SEMA5A: variants seen among roughly 807,000 people sequenced by gnomAD.
The protein encoded by SEMA5A is semaphorin 5A.
SEMA5A carries 55 observed loss-of-function variants against 135.5 expected under a neutral mutation model. The observed-to-expected ratio is 0.41, with a 90% CI of 0.33 to 0.51. The LOEUF is 0.51. Among genes scored for constraint, SEMA5A ranks in the 20% least tolerant of loss-of-function variants. The pLI, the probability that SEMA5A is intolerant of heterozygous loss-of-function variation, is 0.37. For synonymous variants in SEMA5A, 580 were observed against 546.5 expected (o/e 1.06, Z -0.85); for missense variants, 1,290 against 1,419.9 (o/e 0.91, Z 1.47).
intron 22 of SEMA5A, 145 bp from the exon 23 acceptor site, chr5:9,043,161 C>A: frequency 1.3e-6 from 1 of 775,106 alleles, no homozygotes; most frequent in Non-Finnish European, 2.0e-6. Flanking sequence ...TATTTGCTTC[C>A]CCAGATTATT....
intron 13 of SEMA5A, among the ~76,000 whole-genome samples, chr5:9,131,444 T>C (rs1741408950): frequency 6.6e-6 from 1 of 151,328 alleles, no homozygotes; most frequent in African/African-American, 2.4e-5. Context: ...CCGTCTCTAC[T>C]AAAAACACAA....
chr5:9,532,705 T>A (rs1579698580), intron 1 of SEMA5A, among the ~76,000 whole-genome samples: 2 of 152,322 alleles, frequency 1.3e-5, no homozygotes, highest in Middle Eastern at 6.8e-3. Flanking sequence ...TTATCACAGA[T>A]CTTTTCACAG....
intron 1 of SEMA5A, among the ~76,000 whole-genome samples, chr5:9,524,109 C>T (rs182889066): frequency 1.3e-3 from 191 of 152,216 alleles, no homozygotes; most frequent in Admixed American, 2.9e-3. Flanking sequence ...GGAGTTCTCA[C>T]GAAATCTGGT....
intron 1 of SEMA5A, among the ~76,000 whole-genome samples, chr5:9,499,954 A>G (rs2126817948): frequency 6.6e-6 from 1 of 152,332 alleles, no homozygotes; most frequent in African/African-American, 2.4e-5. Flanking sequence ...AAAAGGTTTT[A>G]TTTTACAGCA....
chr5:9,410,074 T>A (rs1166944711), intron 2 of SEMA5A, among the ~76,000 whole-genome samples: 1 of 152,226 alleles, frequency 6.6e-6, no homozygotes, highest in Non-Finnish European at 1.5e-5. Flanking sequence ...TTTCTTTTTT[T>A]AGAGACAATT....
At chr5:9,409,840 A>T (rs1757036902) in intron 2 of SEMA5A, among the ~76,000 whole-genome samples, 1 of 148,764 alleles carries the variant, frequency 6.7e-6, no homozygotes, top group Non-Finnish European at 1.5e-5. Flanking sequence ...GTCTCCAGGT[A>T]AAGAAAACGA....
chr5:9,224,452 A>G (rs553032491), intron 8 of SEMA5A, among the ~76,000 whole-genome samples: 6 of 152,270 alleles, frequency 3.9e-5, no homozygotes, highest in South Asian at 4.1e-4. Context: ...AACATTAGCC[A>G]TATTATCATG....
chr5:9,299,112 C>G (rs1751480699), intron 5 of SEMA5A, among the ~76,000 whole-genome samples: 1 of 148,648 alleles, frequency 6.7e-6, no homozygotes, highest in Admixed American at 6.7e-5. Flanking sequence ...GTGGGCATCA[C>G]TGTTCAGAAG....
intron 2 of SEMA5A, among the ~76,000 whole-genome samples, chr5:9,390,733 A>G (rs1260590159): frequency 6.6e-6 from 1 of 152,130 alleles, no homozygotes; most frequent in Non-Finnish European, 1.5e-5. Flanking sequence ...TTTGGTGAGT[A>G]TATTAAAAAT....
chr5:9,471,461 C>T (rs1271825318), intron 1 of SEMA5A, among the ~76,000 whole-genome samples: 1 of 152,074 alleles, frequency 6.6e-6, no homozygotes, highest in Non-Finnish European at 1.5e-5. Context: ...AATGGTGTGG[C>T]CCTTCCTACC....
chr5:9,069,929 C>G (rs536588881), intron 16 of SEMA5A, among the ~76,000 whole-genome samples: 4 of 152,140 alleles, frequency 2.6e-5, no homozygotes, highest in Admixed American at 2.0e-4. Context: ...AGCCATAAAC[C>G]CTTGTCTTGG....
intron 1 of SEMA5A, among the ~76,000 whole-genome samples, chr5:9,444,654 T>C (rs749938327): frequency 2.9e-4 from 44 of 152,248 alleles, no homozygotes; most frequent in Non-Finnish European, 5.4e-4. Context: ...TAAACATGCA[T>C]GTGCAAGTAT....
intron 1 of SEMA5A, among the ~76,000 whole-genome samples, chr5:9,442,764 A>G (rs1447094633): frequency 6.6e-6 from 1 of 152,158 alleles, no homozygotes; most frequent in Non-Finnish European, 1.5e-5. Context: ...AATATGCTAA[A>G]TAAAAAGTCA....
In SEMA5A at chr5:9,297,513, C is replaced by T. The variant is rs1304342495; in HGVS notation, c.270+20859G>A. On this transcript the variant is annotated intron_variant, in intron 5 of 22. Transcript: ENST00000382496. ...AACCTTCAGGTGCCTTGTTCCTGGA[C>T]TTTCAGGCCTTCAGAACTGTGAGCA... is the stretch of plus-strand genomic sequence containing the variant. Among the ~76,000 whole-genome samples the T allele has an allele frequency of 5.9e-5, 9 of 152,088 alleles. No homozygotes were observed. The South Asian group carries it at 1.5e-3, about 25-fold the overall frequency.
intron 1 of SEMA5A, among the ~76,000 whole-genome samples, chr5:9,536,619 G>GAA (rs199742682): frequency 0.085 from 11,813 of 139,476 alleles, 628 homozygotes; most frequent in Middle Eastern, 0.12. Context: ...TCTCAAAAAA[G>GAA]AAAAAAAAAA....
chr5:9,185,385 T>C (rs187715929), intron 11 of SEMA5A, among the ~76,000 whole-genome samples: 8 of 152,358 alleles, frequency 5.3e-5, no homozygotes, highest in East Asian at 1.9e-4. Flanking sequence ...TCCTGCTTTA[T>C]ATTCATCTAT....
chr5:9,385,286 A>G (rs1755839585), intron 2 of SEMA5A, among the ~76,000 whole-genome samples: 1 of 152,250 alleles, frequency 6.6e-6, no homozygotes. Context: ...TTGGGGACAG[A>G]AAATAACTGC....
In SEMA5A at chr5:9,530,990, C is replaced by G. The variant is rs16883057; in HGVS notation, c.-175+14594G>C. 9.5e-3 allele frequency among the ~76,000 whole-genome samples: 1,440 copies of G among 152,322 alleles called. 29 individuals are homozygous for G. The highest frequency in any genetic ancestry group is 0.043 in the South Asian group (205 of 4,820). On this transcript the variant is annotated intron_variant, in intron 1 of 22. Coordinates refer to ENST00000382496, the MANE Select transcript of SEMA5A (RefSeq NM_003966.3). ...CTTCACATCTTGAGGCTTTTCCATT[C>G]CCAGAAAGGTCAGCCTCCTCTTCCT...
chr5:9,236,679 C>G (rs1747930101), intron 6 of SEMA5A, among the ~76,000 whole-genome samples: 1 of 152,174 alleles, frequency 6.6e-6, no homozygotes, highest in African/African-American at 2.4e-5. Context: ...TGATTTAACT[C>G]AGAGGCCTTT....
Sources: gnomAD v4.1 joint callset for allele counts (sites outside exome capture counted in the v4.1 genomes callset) on GRCh38, gnomAD v4.1.1 for gene constraint, MANE v1.5 for transcripts, NCBI Gene and HGNC (gene_info 2026-07-23, HGNC 2026-07-21) for gene names.